ROBO2: variants seen among roughly 807,000 people sequenced by gnomAD.
The protein encoded by ROBO2 is roundabout homolog 2.
ROBO2 carries 53 observed loss-of-function variants against 160.8 expected under a neutral mutation model. That is an observed-to-expected ratio of 0.33 (90% CI 0.26 to 0.41). The LOEUF (loss-of-function observed/expected upper bound fraction) is 0.41, where lower values mean the gene tolerates loss of function less well. Ranked by LOEUF, ROBO2 falls within the 10% of genes least tolerant of loss-of-function variation. The probability of loss-of-function intolerance (pLI) is 1.00; values close to 1 mark genes in which losing one functional copy is unlikely to be tolerated. For missense variants in ROBO2, 1,577 were observed against 1,722.4 expected (o/e 0.92, Z 1.49); for synonymous variants, 664 against 611.7 (o/e 1.09, Z -1.26).
intron 2 of ROBO2, among the ~76,000 whole-genome samples, chr3:76,209,462 A>T (rs923625436): frequency 6.6e-6 from 1 of 152,144 alleles, no homozygotes; most frequent in Non-Finnish European, 1.5e-5. Flanking sequence ...ATATCGAATA[A>T]TTTATCTGTA....
At chr3:77,491,087 T>C (rs956810348) in intron 4 of ROBO2, among the ~76,000 whole-genome samples, 1 of 152,190 alleles carries the variant, frequency 6.6e-6, no homozygotes, top group African/African-American at 2.4e-5. Flanking sequence ...TTCATGGTCT[T>C]ATCACTCACT....
chr3:75,964,124 T>A (rs1203940001), intron 2 of ROBO2, among the ~76,000 whole-genome samples: 2 of 151,664 alleles, frequency 1.3e-5, no homozygotes, highest in African/African-American at 4.8e-5. Context: ...TAGGAAGCAA[T>A]TTTTTTCCTC....
chr3:77,389,170 C>T (rs1440291064), intron 2 of ROBO2, among the ~76,000 whole-genome samples: 8 of 152,130 alleles, frequency 5.3e-5, no homozygotes, highest in Non-Finnish European at 1.2e-4. Flanking sequence ...TCTTGAACTC[C>T]GGACCTCAGG....
At chr3:76,610,848 C>T (rs759436501) in intron 2 of ROBO2, among the ~76,000 whole-genome samples, 10 of 152,224 alleles carry the variant, frequency 6.6e-5, no homozygotes, top group Non-Finnish European at 1.0e-4. Flanking sequence ...CTCTTTTACT[C>T]TCACTGCGCG....
intron 2 of ROBO2, among the ~76,000 whole-genome samples, chr3:76,141,742 G>C (rs1254150722): frequency 1.3e-5 from 2 of 151,876 alleles, no homozygotes; most frequent in African/African-American, 4.8e-5. Flanking sequence ...GTGGGCATAG[G>C]GGGAATGTGG....
chr3:76,627,437 T>G (rs1257913945), intron 2 of ROBO2, among the ~76,000 whole-genome samples: 2 of 152,188 alleles, frequency 1.3e-5, no homozygotes, highest in African/African-American at 2.4e-5. Context: ...TGCCCCCAGA[T>G]AGGCATATTG....
At chr3:76,534,239 T>G (rs2082376563) in intron 2 of ROBO2, among the ~76,000 whole-genome samples, 1 of 152,022 alleles carries the variant, frequency 6.6e-6, no homozygotes, top group Non-Finnish European at 1.5e-5. Flanking sequence ...TAGGGCTCAT[T>G]TTTATGTGGC....
intron 2 of ROBO2, among the ~76,000 whole-genome samples, chr3:76,084,447 T>C (rs182089727): frequency 2.8e-4 from 42 of 152,258 alleles, no homozygotes; most frequent in Admixed American, 7.9e-4. Flanking sequence ...GAGGCAGTTA[T>C]TACTACTGTT....
intron 2 of ROBO2, among the ~76,000 whole-genome samples, chr3:76,272,721 TACAC>T (rs1454684893): frequency 1.7e-4 from 17 of 101,678 alleles, no homozygotes; most frequent in South Asian, 5.5e-4. Context: ...ATATATTATA[TACAC>T]ATATAAATAT....
At chr3:76,348,449 C>T (rs545732621) in intron 2 of ROBO2, among the ~76,000 whole-genome samples, 4 of 152,252 alleles carry the variant, frequency 2.6e-5, no homozygotes, top group East Asian at 1.9e-4. Context: ...GGCATGACCT[C>T]AGCGTCGCCA....
chr3:76,900,026 C>T (rs1314954136), intron 2 of ROBO2, among the ~76,000 whole-genome samples: 3 of 152,082 alleles, frequency 2.0e-5, no homozygotes, highest in Admixed American at 6.6e-5. Flanking sequence ...TACAATTCCA[C>T]GTGGCTGGGG....
At chr3:76,634,349 C>G (rs550543725) in intron 2 of ROBO2, among the ~76,000 whole-genome samples, 4 of 152,256 alleles carry the variant, frequency 2.6e-5, no homozygotes, top group East Asian at 3.9e-4. Flanking sequence ...AGGCAGATCA[C>G]TTGAGGTCAG....
At chr3:77,389,093 C>T (rs4684006) in intron 2 of ROBO2, among the ~76,000 whole-genome samples, 119,186 of 152,044 alleles carry the variant, frequency 0.78, 47,594 homozygotes, top group East Asian at 1. Context: ...TACAGCCGCC[C>T]GCCACCATGC....
intron 2 of ROBO2, among the ~76,000 whole-genome samples, chr3:77,124,166 G>A (rs1376721240): frequency 2.6e-5 from 4 of 152,090 alleles, no homozygotes; most frequent in Admixed American, 6.6e-5. Flanking sequence ...AAGTTCAAAT[G>A]ATTGAAAATT....
intron 2 of ROBO2, among the ~76,000 whole-genome samples, chr3:76,377,291 G>A (rs1576776689): frequency 6.6e-6 from 1 of 152,122 alleles, no homozygotes; most frequent in East Asian, 1.9e-4. Context: ...TCCTATGCCT[G>A]CATTGCACTG....
At chr3:76,717,159 G>T (rs570267273) in intron 2 of ROBO2, among the ~76,000 whole-genome samples, 11 of 152,162 alleles carry the variant, frequency 7.2e-5, no homozygotes, top group Admixed American at 5.9e-4. Context: ...CTTTTACAAA[G>T]AATCTGTTCA....
At chr3:76,205,440 G>A (rs900799389) in intron 2 of ROBO2, among the ~76,000 whole-genome samples, 4 of 152,104 alleles carry the variant, frequency 2.6e-5, no homozygotes, top group Non-Finnish European at 4.4e-5. Flanking sequence ...ACTCCTGCTC[G>A]TGAAAGGCAA....
chr3:76,742,115 G>C (rs1345823348), intron 2 of ROBO2, among the ~76,000 whole-genome samples: 3 of 151,986 alleles, frequency 2.0e-5, no homozygotes, highest in African/African-American at 7.2e-5. Context: ...GTAGAAACAG[G>C]CTTATCTAAT....
chr3:77,035,512 G>C (rs570254534), upstream of ROBO2, among the ~76,000 whole-genome samples: 16 of 151,982 alleles, frequency 1.1e-4, no homozygotes, highest in South Asian at 3.3e-3. Context: ...TTATTCTGCA[G>C]AGAAAACTCT....
Sources: allele counts gnomAD v4.1 joint callset (sites outside exome capture counted in the v4.1 genomes callset), GRCh38; gene constraint gnomAD v4.1.1; transcripts MANE v1.5; gene names NCBI Gene and HGNC (gene_info 2026-07-23, HGNC 2026-07-21).